TMEM17: variants seen among roughly 807,000 people sequenced by gnomAD.
TMEM17 encodes the protein transmembrane protein 17.
Under a neutral mutation model 19.1 loss-of-function variants are expected in TMEM17, and 15 were observed. The observed-to-expected ratio is 0.78, with a 90% CI of 0.52 to 1.21. The LOEUF (loss-of-function observed/expected upper bound fraction) is 1.21, where lower values mean the gene tolerates loss of function less well. Among genes scored for constraint, TMEM17 ranks in the 50% most tolerant of loss-of-function variants. The probability of loss-of-function intolerance (pLI) is 0.00; values close to 1 mark genes in which losing one functional copy is unlikely to be tolerated. For synonymous variants in TMEM17, 103 were observed against 86.9 expected, an observed-to-expected ratio of 1.19 and a Z score of -1.03; for missense variants, 245 against 242.3, an observed-to-expected ratio of 1.01 and a Z score of -0.07.
At chr2:62,453,801 C>T in the TMEM17 span, among the ~76,000 whole-genome samples, 1 of 152,208 alleles carries the variant, frequency 6.6e-6, no homozygotes, top group African/African-American at 2.4e-5. Context: ...ATGGTTCTCA[C>T]CCACGGTTTG....
At chr2:62,500,001 T>C (rs1224108610), downstream of TMEM17, among the ~76,000 whole-genome samples, 1 of 152,242 alleles carries the variant, frequency 6.6e-6, no homozygotes, top group Non-Finnish European at 1.5e-5. Context: ...GGCGCTCTGG[T>C]TTCCAAATCA....
the TMEM17 span, among the ~76,000 whole-genome samples, chr2:62,493,708 C>T: frequency 6.6e-6 from 1 of 152,100 alleles, no homozygotes; most frequent in Non-Finnish European, 1.5e-5. Flanking sequence ...AATTAGTTCT[C>T]CCTCTCAGCT....
chr2:62,454,190 C>G, the TMEM17 span, among the ~76,000 whole-genome samples: 7 of 152,136 alleles, frequency 4.6e-5, no homozygotes, highest in Admixed American at 4.6e-4. Flanking sequence ...GCAGCCTAGT[C>G]GGCAGAGTGG....
At chr2:62,478,348 C>A in the TMEM17 span, among the ~76,000 whole-genome samples, 281 of 152,268 alleles carry the variant, frequency 1.8e-3, 3 homozygotes, top group Non-Finnish European at 1.4e-3. Flanking sequence ...GGGAAGGGAG[C>A]AACATGTACT....
the TMEM17 span, chr2:62,463,341 A>G: frequency 6.6e-6 from 1 of 152,250 alleles, no homozygotes; most frequent in African/African-American, 2.4e-5. Context: ...TCTGAGCTGT[A>G]GTATCTTGTC....
chr2:62,483,803 G>A, the TMEM17 span, among the ~76,000 whole-genome samples: 3 of 152,108 alleles, frequency 2.0e-5, no homozygotes, highest in Admixed American at 6.5e-5. Context: ...GTTTCACCAC[G>A]TTGGCCAGGC....
At chr2:62,470,701 C>G in the TMEM17 span, among the ~76,000 whole-genome samples, 7 of 152,192 alleles carry the variant, frequency 4.6e-5, no homozygotes, top group Admixed American at 2.0e-4. Context: ...TTGCATTCTC[C>G]CAGCAAGACC....
chr2:62,495,496 C>A (rs1679755807), downstream of TMEM17, among the ~76,000 whole-genome samples: 5 of 152,018 alleles, frequency 3.3e-5, no homozygotes, highest in East Asian at 1.9e-4. Flanking sequence ...GATTTAAAAC[C>A]CCCAAATTAA....
At chr2:62,494,333 A>G in the TMEM17 span, among the ~76,000 whole-genome samples, 1 of 152,164 alleles carries the variant, frequency 6.6e-6, no homozygotes, top group Non-Finnish European at 1.5e-5. Context: ...CACTGGGAGC[A>G]ATAGTTTTTA....
At chr2:62,504,245 T>G (rs138717270) in intron 1 of TMEM17, among the ~76,000 whole-genome samples, 259 of 152,342 alleles carry the variant, frequency 1.7e-3, no homozygotes, top group Non-Finnish European at 3.0e-3. Flanking sequence ...AAATTACCAC[T>G]GATAAAGGAA....
the TMEM17 span, among the ~76,000 whole-genome samples, chr2:62,455,715 C>T: frequency 1.3e-5 from 2 of 152,126 alleles, no homozygotes; most frequent in African/African-American, 4.8e-5. Flanking sequence ...TGCAGTGAGC[C>T]GAAATTGCAC....
At chr2:62,503,049 GCA>G (rs1159662419) in intron 1 of TMEM17, among the ~76,000 whole-genome samples, 1 of 151,814 alleles carries the variant, frequency 6.6e-6, no homozygotes, top group African/African-American at 2.4e-5. Context: ...TGACTTTTTG[GCA>G]TATACTACTG....
chr2:62,502,851 T>C (rs1679969524), intron 1 of TMEM17, 57 bp from the exon 2 acceptor site: 1 of 1,009,356 alleles, frequency 9.9e-7, no homozygotes, highest in Non-Finnish European at 1.5e-6. Flanking sequence ...GCCCTATATA[T>C]ATATATCCTA....
chr2:62,485,547 T>C, the TMEM17 span, among the ~76,000 whole-genome samples: 2 of 152,194 alleles, frequency 1.3e-5, no homozygotes, highest in African/African-American at 2.4e-5. Context: ...TTTTATAGTC[T>C]TATTGGCCTG....
the TMEM17 span, among the ~76,000 whole-genome samples, chr2:62,474,034 G>A: frequency 6.6e-6 from 1 of 152,114 alleles, no homozygotes; most frequent in Non-Finnish European, 1.5e-5. Context: ...GGATGGGGAG[G>A]GGCCAGAGTG....
the TMEM17 span, among the ~76,000 whole-genome samples, chr2:62,479,265 C>T: frequency 6.6e-6 from 1 of 152,172 alleles, no homozygotes; most frequent in Non-Finnish European, 1.5e-5. Flanking sequence ...CCACTTTTTA[C>T]TTCTATGAGA....
At chr2:62,499,073 C>G (rs1679852211), downstream of TMEM17, among the ~76,000 whole-genome samples, 1 of 152,166 alleles carries the variant, frequency 6.6e-6, no homozygotes, top group Non-Finnish European at 1.5e-5. Context: ...GTCATGGTCT[C>G]AATTTACTAT....
the TMEM17 span, among the ~76,000 whole-genome samples, chr2:62,471,102 C>T: frequency 1.2e-4 from 18 of 152,164 alleles, no homozygotes; most frequent in Non-Finnish European, 1.5e-5. Context: ...GGCCCCGTGA[C>T]CTGAGGAGCT....
the TMEM17 span, among the ~76,000 whole-genome samples, chr2:62,481,188 G>GT: frequency 5.3e-5 from 8 of 151,710 alleles, no homozygotes; most frequent in Non-Finnish European, 7.4e-5. Context: ...TTTTGTTGTT[G>GT]TTTTTTGTTT....
Sources: gnomAD v4.1 joint callset for allele counts (sites outside exome capture counted in the v4.1 genomes callset) on GRCh38, gnomAD v4.1.1 for gene constraint, MANE v1.5 for transcripts, NCBI Gene and HGNC (gene_info 2026-07-23, HGNC 2026-07-21) for gene names.